The following MEF2C variants were observed in gnomAD, a reference collection of about 807,000 sequenced individuals.
MEF2C encodes myocyte-specific enhancer factor 2C.
A neutral mutation model predicts 50.5 loss-of-function variants in MEF2C; 6 were observed. That is an observed-to-expected ratio of 0.12 (90% CI 0.07 to 0.23). The LOEUF (loss-of-function observed/expected upper bound fraction) is 0.23. Among genes scored for constraint, MEF2C ranks in the 10% least tolerant of loss-of-function variants. The pLI, the probability that MEF2C is intolerant of heterozygous loss-of-function variation, is 1.00. For synonymous variants in MEF2C, 183 were observed against 228.0 expected, an observed-to-expected ratio of 0.80 and a Z score of 1.78; for missense variants, 276 against 605.0, an observed-to-expected ratio of 0.46 and a Z score of 5.70.
chr5:88,779,601 TTGTGTGTGTG>T (rs58856249), intron 3 of MEF2C, among the ~76,000 whole-genome samples: 5 of 148,032 alleles, frequency 3.4e-5, no homozygotes, highest in Admixed American at 6.8e-5. Flanking sequence ...TTGTGTAGGT[TTGTGTGTGTG>T]TGTGTGTGTG....
At chr5:88,758,584 ACT>A (rs746378240) in intron 4 of MEF2C, among the ~76,000 whole-genome samples, 1 of 152,186 alleles carries the variant, frequency 6.6e-6, no homozygotes, top group Non-Finnish European at 1.5e-5. Flanking sequence ...AGGTGGAGAC[ACT>A]CTCTACATAC....
intron 1 of MEF2C, among the ~76,000 whole-genome samples, chr5:88,880,482 T>G (rs182589868): frequency 6.6e-6 from 1 of 152,058 alleles, no homozygotes; most frequent in African/African-American, 2.4e-5. Flanking sequence ...CACTTTAGAG[T>G]TGAGAAATAA....
At chr5:88,775,818 G>A in intron 3 of MEF2C, 1 of 984,186 alleles carries the variant, frequency 1.0e-6, no homozygotes, top group Non-Finnish European at 1.2e-6. Flanking sequence ...ACTGAAAAAT[G>A]GAAGGGTATA....
At chr5:88,889,965 C>T (rs1448349673) in intron 1 of MEF2C, among the ~76,000 whole-genome samples, 1 of 152,184 alleles carries the variant, frequency 6.6e-6, no homozygotes, top group African/African-American at 2.4e-5. Context: ...GCGCTCCAAC[C>T]ATTTTGCAAA....
At chr5:88,850,132 G>A (rs1040063495) in intron 1 of MEF2C, among the ~76,000 whole-genome samples, 1 of 146,704 alleles carries the variant, frequency 6.8e-6, no homozygotes, top group African/African-American at 2.6e-5. Context: ...TCCCCTTCCT[G>A]TGTGCATGTG....
At chr5:88,841,506 CAAA>C (rs34552373) in intron 1 of MEF2C, among the ~76,000 whole-genome samples, 16 of 98,272 alleles carry the variant, frequency 1.6e-4, no homozygotes, top group South Asian at 3.3e-4. Context: ...AACTTTGTCT[CAAA>C]AAAAAAAAAA....
At position 88,876,517 on chromosome 5, in the gene MEF2C, T is replaced by C. The variant is rs1304868999; in HGVS notation, c.-143+6438A>G. 2.6e-5 allele frequency among the ~76,000 whole-genome samples: 4 copies of C among 152,018 alleles called. No homozygotes were observed. In the East Asian group the frequency reaches 7.7e-4, roughly 29 times the overall value. Reference sequence around the variant, plus strand: ...ACCTTATTCAGGGTCGACAATTAATTAGAAGACAAAAAGTATAAATCGCGT... The same window carrying C: ...ACCTTATTCAGGGTCGACAATTAATCAGAAGACAAAAAGTATAAATCGCGT... On this transcript the variant is annotated intron_variant, in intron 1 of 10. Transcript: ENST00000504921.
chr5:88,758,381 C>T (rs1037707311), intron 4 of MEF2C, among the ~76,000 whole-genome samples: 5 of 152,004 alleles, frequency 3.3e-5, no homozygotes, highest in Admixed American at 6.6e-5. Flanking sequence ...TGAACCATGG[C>T]GAACCCAGCA....
chr5:88,805,974 A>G lies in MEF2C; in HGVS notation c.55-1173T>C, dbSNP rs180905506. 4.3e-3 allele frequency among the ~76,000 whole-genome samples: 655 copies of G among 151,428 alleles called. 1 individual carries two copies. Among genetic ancestry groups the G allele is most frequent in the Non-Finnish European group, 7.2e-3 (490 of 67,814 alleles). On this transcript the variant is annotated intron_variant, in intron 2 of 10. Transcript: ENST00000504921. ...TTCCTATAAAATACTCCTTAAGAAA[A>G]AAGTTCAGTGGCCTAATATGTTTGG... is the stretch of plus-strand genomic sequence containing the variant.
At chr5:88,743,151 TA>T in intron 6 of MEF2C, 1 of 918,708 alleles carries the variant, frequency 1.1e-6, no homozygotes, top group Non-Finnish European at 1.3e-6. Context: ...AAAAATAATA[TA>T]AAAATTATAT....
At position 88,807,260 on chromosome 5, in the gene MEF2C, G is replaced by A. The variant is rs571240110; in HGVS notation, c.55-2459C>T. Among the ~76,000 whole-genome samples the A allele has an allele frequency of 9.5e-4, 144 of 152,188 alleles. 1 individual carries two copies. The highest frequency in any genetic ancestry group is 3.2e-3 in the African/African-American group (134 of 41,512). ...TTGTTTTTTGAGACAGGGTCTCCCC[G>A]TCTCCTAGGCTGGAGTGTAGCGGTA... On this transcript the variant is annotated intron_variant, in intron 2 of 10. Coordinates refer to ENST00000504921, the MANE Select transcript of MEF2C (RefSeq NM_002397.5).
intron 4 of MEF2C, among the ~76,000 whole-genome samples, chr5:88,758,906 A>G (rs754988846): frequency 6.6e-6 from 1 of 152,214 alleles, no homozygotes; most frequent in Non-Finnish European, 1.5e-5. Context: ...GAGGGAATAC[A>G]GGTGTGTATT....
chr5:88,830,313 A>G (rs1404934370), intron 1 of MEF2C, among the ~76,000 whole-genome samples: 1 of 152,036 alleles, frequency 6.6e-6, no homozygotes, highest in Admixed American at 6.6e-5. Context: ...AAGAGATGAA[A>G]TGTATGTCAG....
chr5:88,822,779 CCTT>C (rs1809019937), intron 2 of MEF2C, among the ~76,000 whole-genome samples: 1 of 151,890 alleles, frequency 6.6e-6, no homozygotes, highest in African/African-American at 2.4e-5. Context: ...TACTGTGTAG[CCTT>C]CTTCAGTGTA....
chr5:88,754,586 T>A (rs1774384327), intron 4 of MEF2C, among the ~76,000 whole-genome samples: 1 of 152,204 alleles, frequency 6.6e-6, no homozygotes, highest in African/African-American at 2.4e-5. Context: ...GGAAATCTGT[T>A]GGACTATCTT....
At chr5:88,824,148 A>G (rs1475556852) in intron 1 of MEF2C, 3 of 920,968 alleles carry the variant, frequency 3.3e-6, no homozygotes, top group Non-Finnish European at 2.6e-6. Context: ...AAGTAATTTA[A>G]CAAGTCATTT....
intron 4 of MEF2C, among the ~76,000 whole-genome samples, chr5:88,755,659 TG>T (rs1211449935): frequency 6.6e-6 from 1 of 152,248 alleles, no homozygotes; most frequent in African/African-American, 2.4e-5. Context: ...AAGCCATCTC[TG>T]GGCTACAAAT....
chr5:88,867,779 C>T (rs991460860), intron 1 of MEF2C, among the ~76,000 whole-genome samples: 6 of 152,110 alleles, frequency 3.9e-5, no homozygotes, highest in African/African-American at 1.4e-4. Flanking sequence ...CTACTTTCAA[C>T]CACCAAGCCA....
chr5:88,728,610 G>C lies in MEF2C; in HGVS notation c.983C>G (p.Ala328Gly). The change falls in exon 10 of 11, where the codon GCA (alanine) becomes GGA (glycine). Residue 328 changes from alanine (A) to glycine (G), a missense_variant. Around this residue, in one of 2 missense-constraint regions of MEF2C, gnomAD observed 256 missense variants for 468.1 expected, o/e 0.55. Transcript: ENST00000504921. ...TYGTEYSLSS[A>G]DLSSLSGFNT... is the part of the protein sequence containing the mutation. ...AAACCCAGACAGAGATGACAGGTCTGCACTACTCAGAGAGTACTCTAGATT... is the reference window on the plus strand; with the variant it reads ...AAACCCAGACAGAGATGACAGGTCTCCACTACTCAGAGAGTACTCTAGATT... 6.6e-7 allele frequency: 1 copy of C among 1,505,896 alleles called. No individual in the cohort carries two copies. Among genetic ancestry groups the C allele is most frequent in the African/African-American group, 1.4e-5 (1 of 71,572 alleles). The allele number at this position is 1,505,896 out of a possible 1,614,324, so 93.3% of individuals were successfully genotyped here. A position where few individuals can be genotyped will look rare whatever the true frequency, so the allele number is the denominator to read the frequency against.
Sources: gnomAD v4.1 joint callset for allele counts (sites outside exome capture counted in the v4.1 genomes callset) on GRCh38, gnomAD v4.1.1 for gene constraint, gnomAD v4.1.1 regional missense constraint, MANE v1.5 for transcripts, NCBI Gene and HGNC (gene_info 2026-07-23, HGNC 2026-07-21) for gene names.